The following GRM8 variants were observed in gnomAD, a reference collection of about 807,000 sequenced individuals.
The protein encoded by GRM8 is glutamate metabotropic receptor 8, also known as metabotropic glutamate receptor 8.
Under a neutral mutation model 87.2 loss-of-function variants are expected in GRM8, and 47 were observed. The observed-to-expected ratio is 0.54, with a 90% CI of 0.43 to 0.69. The LOEUF is 0.69. Ranked by LOEUF, GRM8 falls within the 30% of genes least tolerant of loss-of-function variation. The probability of loss-of-function intolerance (pLI) is 0.00; values close to 1 mark genes in which losing one functional copy is unlikely to be tolerated. For missense variants in GRM8, 1,019 were observed against 1,139.2 expected (o/e 0.89, Z 1.52); for synonymous variants, 396 against 404.5 (o/e 0.98, Z 0.25).
At chr7:126,896,460 A>G (rs1268521966) in intron 6 of GRM8, among the ~76,000 whole-genome samples, 1 of 152,010 alleles carries the variant, frequency 6.6e-6, no homozygotes, top group Non-Finnish European at 1.5e-5. Flanking sequence ...CACCAAATCA[A>G]ATTATGTAAA....
At chr7:127,107,303 C>T (rs1431788989) in intron 2 of GRM8, among the ~76,000 whole-genome samples, 1 of 152,222 alleles carries the variant, frequency 6.6e-6, no homozygotes, top group Admixed American at 6.5e-5. Context: ...TGCCAGCAGC[C>T]ACATATCCTC....
chr7:126,952,356 T>A (rs1396409674), intron 3 of GRM8, among the ~76,000 whole-genome samples: 1 of 151,962 alleles, frequency 6.6e-6, no homozygotes, highest in Admixed American at 6.6e-5. Flanking sequence ...AGAATCCCAA[T>A]TAATACATGT....
chr7:126,797,934 T>C (rs570388878), intron 6 of GRM8, among the ~76,000 whole-genome samples: 4 of 152,176 alleles, frequency 2.6e-5, no homozygotes, highest in African/African-American at 9.6e-5. Flanking sequence ...ACAACAAATA[T>C]TGAACTGATA....
At chr7:126,725,627 T>A (rs1812884972) in intron 7 of GRM8, among the ~76,000 whole-genome samples, 1 of 152,182 alleles carries the variant, frequency 6.6e-6, no homozygotes, top group Non-Finnish European at 1.5e-5. Flanking sequence ...CTGTGTTATA[T>A]AATGGCTGTT....
chr7:126,530,533 C>T (rs573658803), intron 9 of GRM8, among the ~76,000 whole-genome samples: 3 of 152,262 alleles, frequency 2.0e-5, no homozygotes, highest in Non-Finnish European at 2.9e-5. Flanking sequence ...GACATGGGCT[C>T]AATAATTAGT....
chr7:127,107,700 A>C (rs1399511718), intron 2 of GRM8, among the ~76,000 whole-genome samples: 1 of 152,144 alleles, frequency 6.6e-6, no homozygotes, highest in Non-Finnish European at 1.5e-5. Context: ...AGGGCTGCAC[A>C]CTCTGGGATC....
chr7:126,996,332 A>T (rs1813172215), intron 3 of GRM8, among the ~76,000 whole-genome samples: 1 of 151,750 alleles, frequency 6.6e-6, no homozygotes, highest in Admixed American at 6.6e-5. Context: ...TGGTGTGTAA[A>T]CTATGTTTAT....
At chr7:127,191,370 G>A (rs1384077715) in intron 2 of GRM8, among the ~76,000 whole-genome samples, 2 of 152,160 alleles carry the variant, frequency 1.3e-5, no homozygotes, top group African/African-American at 4.8e-5. Context: ...AAAGGAGAGT[G>A]TTTTAATTTC....
intron 6 of GRM8, among the ~76,000 whole-genome samples, chr7:126,795,246 C>A (rs1821826681): frequency 6.6e-6 from 1 of 152,044 alleles, no homozygotes; most frequent in Non-Finnish European, 1.5e-5. Context: ...TATGACTATA[C>A]ACAAACTCTC....
intron 8 of GRM8, among the ~76,000 whole-genome samples, chr7:126,541,134 A>G (rs943629333): frequency 3.3e-5 from 5 of 152,188 alleles, no homozygotes; most frequent in Non-Finnish European, 7.3e-5. Flanking sequence ...AACAAAGGCC[A>G]ATCACAGCTC....
intron 3 of GRM8, among the ~76,000 whole-genome samples, chr7:127,005,533 G>T (rs940599188): frequency 6.6e-6 from 1 of 151,746 alleles, no homozygotes; most frequent in African/African-American, 2.4e-5. Flanking sequence ...ACCAGACATA[G>T]TCTCCACAAA....
chr7:127,167,603 G>A (rs17864146), intron 2 of GRM8, among the ~76,000 whole-genome samples: 25 of 151,324 alleles, frequency 1.7e-4, no homozygotes, highest in Non-Finnish European at 2.9e-4. Flanking sequence ...ATCCTTTATC[G>A]GGATCTGTGA....
chr7:126,723,423 C>A (rs190701116), intron 7 of GRM8, among the ~76,000 whole-genome samples: 6 of 152,108 alleles, frequency 3.9e-5, no homozygotes, highest in Admixed American at 3.3e-4. Context: ...GAAATAGAGG[C>A]CCGCAAACTG....
intron 7 of GRM8, among the ~76,000 whole-genome samples, chr7:126,759,197 C>T (rs1473865071): frequency 6.6e-6 from 1 of 151,730 alleles, no homozygotes; most frequent in Non-Finnish European, 1.5e-5. Flanking sequence ...GCGCCCAGCC[C>T]CTGTCCCTCA....
At chr7:127,088,997 T>C (rs1563495479) in intron 3 of GRM8, among the ~76,000 whole-genome samples, 1 of 152,346 alleles carries the variant, frequency 6.6e-6, no homozygotes, top group South Asian at 2.1e-4. Context: ...AAAGGTGCTG[T>C]ATTGGGTTGA....
chr7:127,026,691 G>GT (rs1554572549), intron 3 of GRM8, among the ~76,000 whole-genome samples: 3 of 151,210 alleles, frequency 2.0e-5, no homozygotes, highest in Admixed American at 6.6e-5. Flanking sequence ...CTTTTTGATG[G>GT]TTTTTTCTTG....
intron 3 of GRM8, among the ~76,000 whole-genome samples, chr7:127,057,852 G>T (rs1305622170): frequency 6.6e-6 from 1 of 151,206 alleles, no homozygotes; most frequent in Non-Finnish European, 1.5e-5. Context: ...GATAGAAACA[G>T]TCTATTAAAT....
intron 9 of GRM8, among the ~76,000 whole-genome samples, chr7:126,516,737 A>G (rs1812224263): frequency 6.6e-6 from 1 of 152,128 alleles, no homozygotes; most frequent in African/African-American, 2.4e-5. Context: ...AGGAATTCAT[A>G]GTATAAGTGG....
At chr7:126,638,575 G>A (rs1438813143) in intron 7 of GRM8, among the ~76,000 whole-genome samples, 1 of 152,162 alleles carries the variant, frequency 6.6e-6, no homozygotes, top group Non-Finnish European at 1.5e-5. Flanking sequence ...ATGCTGGGTG[G>A]ACATGTATTG....
Sources: allele counts gnomAD v4.1 joint callset (sites outside exome capture counted in the v4.1 genomes callset), GRCh38; gene constraint gnomAD v4.1.1; transcripts MANE v1.5; gene names NCBI Gene and HGNC (gene_info 2026-07-23, HGNC 2026-07-21).